Variants in LPIN3 observed in about 807,000 individuals in gnomAD.
LPIN3 encodes lipin 3, also known as phosphatidate phosphatase LPIN3.
LPIN3 carries 82 observed loss-of-function variants against 94.7 expected under a neutral mutation model. That is an observed-to-expected ratio of 0.87 (90% confidence interval 0.72 to 1.04). The LOEUF is 1.04. Ranked by LOEUF, LPIN3 falls within the 50% of genes least tolerant of loss-of-function variation. The pLI, the probability that LPIN3 is intolerant of heterozygous loss-of-function variation, is 0.00. For missense variants in LPIN3, 996 were observed against 1,090.5 expected, an observed-to-expected ratio of 0.91 and a Z score of 1.22; for synonymous variants, 418 against 443.3, an observed-to-expected ratio of 0.94 and a Z score of 0.72.
rs775140174 is a variant in LPIN3 at position 41,358,806 on chromosome 20, C to T, written c.2496C>T (p.Tyr832=). 2 of 1,614,160 alleles carry T rather than the reference C, an allele frequency of 1.2e-6. No homozygotes were observed. Among genetic ancestry groups the T allele is most frequent in the South Asian group, 2.2e-5 (2 of 91,084 alleles). The change falls in exon 20 of 20, where the codon TAC becomes TAT. Residue 832 remains tyrosine (Y), a synonymous_variant. Transcript: ENST00000373257. The stretch of plus-strand genomic sequence containing the variant: ...GCACAGACCTGGCCAACCCTGAATA[C>T]AGTAACTTCTGCTACTGGCGGGAGC... ...GPSTDLANPE[Y]SNFCYWREPL... is the part of the protein sequence containing the mutation.
In LPIN3 at chr20:41,358,859, T is replaced by C. The variant is rs1275522975; in HGVS notation, c.2549T>C (p.Leu850Pro). ...EPLPAVDLDT[L>P]D ...CTGCCTGCTGTGGACCTTGATACCC[T>C]GGACTGAACCTGCCCTGGCTGGCTC... The change falls in exon 20 of 20, where the codon CTG (leucine) becomes CCG (proline). Residue 850 changes from leucine (L) to proline (P), a missense_variant. Transcript: ENST00000373257. 3.1e-6 allele frequency: 5 copies of C among 1,613,688 alleles called. No homozygotes were observed. Among genetic ancestry groups the C allele is most frequent in the East Asian group, 4.5e-5 (2 of 44,874 alleles).
chr20:41,357,716 C>T (rs1346371439), intron 16 of LPIN3, among the ~76,000 whole-genome samples, 166 bp from the exon 17 acceptor site: 1 of 152,248 alleles, frequency 6.6e-6, no homozygotes, highest in Non-Finnish European at 1.5e-5. Flanking sequence ...GGACTCTGTG[C>T]ACCGTCCAGC....
Position 41,358,736 on chromosome 20 carries a change from G to C in LPIN3, c.2426G>C (p.Gly809Ala). The change falls in exon 20 of 20, where the codon GGT becomes GCT. Residue 809 changes from glycine to alanine, a missense_variant. By Grantham distance (60) the Gly-to-Ala change is moderately conservative (BLOSUM62 0). Coordinates refer to ENST00000373257, the MANE Select transcript of LPIN3 (RefSeq NM_022896.3). The part of the protein sequence containing the change: ...KNHKSTYERL[G>A]EVVELLFPPV... The stretch of plus-strand genomic sequence containing the variant: ...TCTGCCTGTAGGTATGAGCGGCTTG[G>C]TGAAGTGGTCGAGCTCCTCTTCCCA... 6.2e-7 allele frequency: 1 copy of C among 1,614,016 alleles called. No homozygotes were observed. The highest frequency in any genetic ancestry group is 8.5e-7 in the Non-Finnish European group (1 of 1,179,980).
intron 14 of LPIN3, 107 bp downstream of exon 14, chr20:41,356,141 C>T (rs2046202294): frequency 1.3e-6 from 2 of 1,483,684 alleles, no homozygotes; most frequent in African/African-American, 2.8e-5. Flanking sequence ...CACATGTTCA[C>T]CAAAGGCCAG....
rs1186465856 is a variant in LPIN3 at position 41,358,359 on chromosome 20, T to TGTCCCCTCCACTCTGCTGA, written c.2307+10_2307+28dup. 6.2e-7 allele frequency: 1 copy of TGTCCCCTCCACTCTGCTGA among 1,613,694 alleles called. No homozygotes were observed. The highest frequency in any genetic ancestry group is 1.7e-5 in the Admixed American group (1 of 60,016). On this transcript the variant is annotated intron_variant, in intron 18 of 19. Coordinates refer to ENST00000373257, the MANE Select transcript of LPIN3 (RefSeq NM_022896.3). ...TTTGGGAATAGGCCCAATGTGAGTG[T>TGTCCCCTCCACTCTGCTGA]GTCCCCTCCACTCTGCTGAGCCACC...
rs758418290 is a variant in LPIN3, at chr20:41,357,353, C to T, written c.1953-8C>T. On this transcript the variant is annotated splice_region_variant and splice_polypyrimidine_tract_variant and intron_variant, in intron 15 of 19. Coordinates refer to ENST00000373257, the MANE Select transcript of LPIN3 (RefSeq NM_022896.3). The stretch of plus-strand genomic sequence containing the variant: ...TGCCTTGGAGTAACCCTTCCTCTCT[C>T]ACTCTAGGTCAGATGCTCTGGGCCA... 3.7e-5 allele frequency: 60 copies of T among 1,613,326 alleles called. No individual in the cohort carries two copies. Among genetic ancestry groups the T allele is most frequent in the Non-Finnish European group, 4.9e-5 (58 of 1,179,556 alleles).
At chr20:41,355,867 G>A in intron 13 of LPIN3, 29 bp from the exon 14 acceptor site, 1 of 1,612,104 alleles carries the variant, frequency 6.2e-7, no homozygotes, top group Non-Finnish European at 8.5e-7. Context: ...GGCTGGAGGA[G>A]ATGGCCTGAG....
At chr20:41,357,772 G>C (rs1276952152) in intron 16 of LPIN3, 110 bp from the exon 17 acceptor site, 1 of 1,426,280 alleles carries the variant, frequency 7.0e-7, no homozygotes, top group Non-Finnish European at 9.7e-7. Context: ...TCCCTGCAAA[G>C]GTTGGAACAT....
Position 41,348,734 on chromosome 20 carries a change from G to A in LPIN3, c.404G>A (p.Gly135Asp). 2 of 1,613,798 alleles carry A rather than the reference G, an allele frequency of 1.2e-6. No individual in the cohort carries two copies. The highest frequency in any genetic ancestry group is 1.7e-6 in the Non-Finnish European group (2 of 1,179,928). ...ASEPEGLVMA[G>D]TASTGRRKRR... ...GAGCCTGAGGGCCTCGTCATGGCAGGCACGGCCTCCACTGGGCGGAGGAAG... is the reference window on the plus strand; with the variant it reads ...GAGCCTGAGGGCCTCGTCATGGCAGACACGGCCTCCACTGGGCGGAGGAAG... Residue 135 changes from glycine to aspartate, a missense_variant, in exon 4 of 20, where the codon GGC becomes GAC. Transcript: ENST00000373257.
rs2045933054 is a variant in LPIN3 at position 41,349,805 on chromosome 20, A to G, written c.670A>G (p.Ser224Gly). The part of the protein sequence containing the change: ...LSAGELTSPK[S>G]DSELEVRTPE... ...AGCAGGTGAGCTAACATCCCCTAAG[A>G]GCGACTCGGAGCTGGAGGTGCGGAC... The change falls in exon 6 of 20, where the codon AGC (serine) becomes GGC (glycine). Residue 224 changes from serine (S) to glycine (G), a missense_variant. Physicochemically the swap from Ser to Gly is moderately conservative, Grantham distance 56. Coordinates refer to ENST00000373257, the MANE Select transcript of LPIN3 (RefSeq NM_022896.3). The G allele has an allele frequency of 6.2e-7, 1 of 1,613,406 alleles. No homozygotes were observed. Among genetic ancestry groups the G allele is most frequent in the African/African-American group, 1.3e-5 (1 of 74,880 alleles).
Position 41,349,088 on chromosome 20 carries a change from G to A in LPIN3, c.558-4G>A. 1 of 1,614,182 alleles carries A rather than the reference G, an allele frequency of 6.2e-7. No individual in the cohort carries two copies. Among genetic ancestry groups the A allele is most frequent in the East Asian group, 2.2e-5 (1 of 44,890 alleles). ...GTGACCATTTCCTTGTGGCCCCTTAGCAGTGTCCAGTTGGAAGAGAAGTCT... is the reference window on the plus strand; with the variant it reads ...GTGACCATTTCCTTGTGGCCCCTTAACAGTGTCCAGTTGGAAGAGAAGTCT... On this transcript the variant is annotated splice_polypyrimidine_tract_variant and splice_region_variant and intron_variant, in intron 4 of 19. Coordinates refer to ENST00000373257, the MANE Select transcript of LPIN3 (RefSeq NM_022896.3).
In LPIN3 at chr20:41,351,879, C is replaced by T. The variant is rs760221578; in HGVS notation, c.1161C>T (p.Pro387=). The T allele has an allele frequency of 1.2e-6, 2 of 1,614,246 alleles. No individual in the cohort carries two copies. Among genetic ancestry groups the T allele is most frequent in the East Asian group, 2.2e-5 (1 of 44,884 alleles). ...GTGACATCTACCTGGATGACTTGCC[C>T]TCCCTGGACTCTGAGAATGCAGCGC... ...GPSDIYLDDL[P]SLDSENAALY... is the part of the protein sequence containing the mutation. Residue 387 remains proline (P), a synonymous_variant, in exon 8 of 20, where the codon CCC becomes CCT. Transcript: ENST00000373257.
intron 11 of LPIN3, among the ~76,000 whole-genome samples, chr20:41,354,174 CAT>C (rs1482392347): frequency 2.0e-5 from 3 of 152,146 alleles, no homozygotes; most frequent in South Asian, 2.1e-4. Context: ...GTTATGGTAA[CAT>C]ACAGAAAAGG....
At chr20:41,356,851 A>C (rs1287850059) in intron 14 of LPIN3, among the ~76,000 whole-genome samples, 189 bp from the exon 15 acceptor site, 1 of 152,156 alleles carries the variant, frequency 6.6e-6, no homozygotes, top group East Asian at 1.9e-4. Context: ...CCTGATCAGC[A>C]TGGCCACCCT....
rs751116885 is a variant in LPIN3, at chr20:41,348,721, C to G, written c.391C>G (p.Leu131Val). 6.2e-7 allele frequency: 1 copy of G among 1,613,942 alleles called. No individual in the cohort carries two copies. Residue 131 changes from leucine (L) to valine (V), a missense_variant, in exon 4 of 20, where the codon CTC (leucine) becomes GTC (valine). By Grantham distance (32) the Leu-to-Val change is conservative. Coordinates refer to ENST00000373257, the MANE Select transcript of LPIN3 (RefSeq NM_022896.3). ...QLGTASEPEG[L>V]VMAGTASTGR... ...GGGCACTGCCAGTGAGCCTGAGGGC[C>G]TCGTCATGGCAGGCACGGCCTCCAC...
intron 11 of LPIN3, among the ~76,000 whole-genome samples, chr20:41,353,177 G>A (rs1339902833): frequency 2.6e-5 from 4 of 152,246 alleles, no homozygotes; most frequent in Non-Finnish European, 5.9e-5. Flanking sequence ...GGAGGCCTTT[G>A]CATCTGAAAT....
intron 4 of LPIN3, 61 bp from the exon 5 acceptor site, chr20:41,349,031 C>G (rs926462499): frequency 1.9e-6 from 3 of 1,598,546 alleles, no homozygotes; most frequent in Admixed American, 3.4e-5. Context: ...TGTCCAGGCT[C>G]TCATGCCTGC....
intron 1 of LPIN3, among the ~76,000 whole-genome samples, chr20:41,341,795 G>T (rs2045589625): frequency 6.6e-6 from 1 of 152,256 alleles, no homozygotes; most frequent in East Asian, 1.9e-4. Context: ...TCCTAACACG[G>T]TGAAACCCCG....
chr20:41,345,251 TC>T (rs1008756866), intron 1 of LPIN3, among the ~76,000 whole-genome samples: 10 of 152,076 alleles, frequency 6.6e-5, no homozygotes, highest in Admixed American at 2.0e-4. Flanking sequence ...TGCCCCCTCT[TC>T]CCACCCCCTC....
Sources: allele counts gnomAD v4.1 joint callset (sites outside exome capture counted in the v4.1 genomes callset), GRCh38; gene constraint gnomAD v4.1.1; transcripts MANE v1.5; gene names NCBI Gene and HGNC (gene_info 2026-07-23, HGNC 2026-07-21).